Variants in C2 observed in about 807,000 individuals in gnomAD.
The protein encoded by C2 is complement C2.
A neutral mutation model predicts 85.2 loss-of-function variants in C2; 64 were observed. The ratio of observed to expected loss-of-function variants is 0.75; its 90% CI spans 0.61 to 0.92. C2 has a LOEUF of 0.92. C2 is among the 40% of genes least tolerant of loss of function. C2 has a pLI of 0.00. For missense variants in C2, 820 were observed against 971.6 expected, an observed-to-expected ratio of 0.84 and a Z score of 2.07; for synonymous variants, 311 against 370.8, an observed-to-expected ratio of 0.84 and a Z score of 1.85.
rs771513144 is a variant in C2 at position 31,937,418 on chromosome 6, C to A, written c.1088C>A (p.Ala363Asp). 1.2e-6 allele frequency: 2 copies of A among 1,612,576 alleles called. No homozygotes were observed. The highest frequency in any genetic ancestry group is 8.5e-7 in the Non-Finnish European group (1 of 1,179,960). Residue 363 changes from alanine (A) to aspartate (D), a missense_variant, in exon 8 of 18, where the codon GCC becomes GAC. By Grantham distance (126) the Ala-to-Asp change is moderately radical. Transcript: ENST00000299367. ...CGACTCCTCGGCATGGAAACGATGGCCTGGCAGGAAATCCGACATGCCATC... is the reference window on the plus strand; with the variant it reads ...CGACTCCTCGGCATGGAAACGATGGACTGGCAGGAAATCCGACATGCCATC... The part of the protein sequence containing the change: ...QMRLLGMETM[A>D]WQEIRHAIIL...
intron 6 of C2, 177 bp downstream of exon 6, chr6:31,934,476 C>T (rs1386076180): frequency 8.2e-7 from 1 of 1,219,202 alleles, no homozygotes; most frequent in African/African-American, 1.5e-5. Context: ...AATTTTTATT[C>T]CACAAGCACT....
chr6:31,940,489 G>T (rs1235083348), intron 9 of C2, among the ~76,000 whole-genome samples: 4 of 152,168 alleles, frequency 2.6e-5, no homozygotes, highest in African/African-American at 9.7e-5. Flanking sequence ...AACACAAATT[G>T]CACTGACCTT....
rs1460309756 is a variant in C2 at position 31,927,841 on chromosome 6, G to C, written c.46+43G>C. ...GGGAACGTCAGGGTCCTGTGTGTGAGGTTGGTGCTCCCAGCTTGAATTCCC... is the reference window on the plus strand; with the variant it reads ...GGGAACGTCAGGGTCCTGTGTGTGACGTTGGTGCTCCCAGCTTGAATTCCC... On this transcript the variant is annotated intron_variant, in intron 1 of 17. Coordinates refer to ENST00000299367, the MANE Select transcript of C2 (RefSeq NM_000063.6). This position sits in a 1 kb window ranked among gnomAD's most constrained non-coding sequence, Gnocchi z 4.7. 1.2e-6 allele frequency: 2 copies of C among 1,603,276 alleles called. No individual in the cohort carries two copies. The highest frequency in any genetic ancestry group is 1.1e-5 in the South Asian group (1 of 90,840).
intron 1 of C2, among the ~76,000 whole-genome samples, chr6:31,911,813 A>C (rs1768124344): frequency 6.6e-6 from 1 of 151,422 alleles, no homozygotes; most frequent in African/African-American, 2.4e-5. Context: ...TATTTTTAGT[A>C]GAAATGGGGT....
chr6:31,932,775 T>A (rs1247004347), intron 3 of C2, among the ~76,000 whole-genome samples: 1 of 151,754 alleles, frequency 6.6e-6, no homozygotes, highest in Non-Finnish European at 1.5e-5. Flanking sequence ...TGCTGGGAGG[T>A]GGAGGTTGTA....
intron 1 of C2, among the ~76,000 whole-genome samples, chr6:31,910,674 C>G (rs1768031874): frequency 6.6e-6 from 1 of 151,986 alleles, no homozygotes; most frequent in African/African-American, 2.4e-5. Context: ...AGATTATAAT[C>G]ATGTACTTTA....
chr6:31,910,056 T>C lies in C2; in HGVS notation c.73+8917T>C, dbSNP rs972580967. Among the ~76,000 whole-genome samples, 22 of 150,446 alleles carry C rather than the reference T, an allele frequency of 1.5e-4. 1 individual carries two copies. Among genetic ancestry groups the C allele is most frequent in the African/African-American group, 5.4e-4 (22 of 40,832 alleles). On this transcript the variant is annotated intron_variant, in intron 1 of 3. Coordinates refer to the C2 transcript ENST00000452202. ...CCACCACGCCTGGCTAATTTTTGTATTTATAGTAGAGATGGGGTTTCACCA... is the reference window on the plus strand; with the variant it reads ...CCACCACGCCTGGCTAATTTTTGTACTTATAGTAGAGATGGGGTTTCACCA...
At chr6:31,914,011 TC>T (rs1353836764) in intron 1 of C2, among the ~76,000 whole-genome samples, 2 of 151,540 alleles carry the variant, frequency 1.3e-5, no homozygotes, top group African/African-American at 4.8e-5. Context: ...GCGATCCGAC[TC>T]CCTGGTTCAA....
At chr6:31,899,730 G>A, upstream of C2, 2 of 605,088 alleles carry the variant, frequency 3.3e-6, no homozygotes, top group Non-Finnish European at 5.6e-6. Context: ...CCTTTTCCCA[G>A]CTCCAGATTC....
intron 1 of C2, among the ~76,000 whole-genome samples, chr6:31,906,331 T>C (rs1352485563): frequency 6.6e-6 from 1 of 151,926 alleles, no homozygotes; most frequent in Non-Finnish European, 1.5e-5. Flanking sequence ...TGCTCCTCAA[T>C]GCTGGCTCCT....
intron 1 of C2, among the ~76,000 whole-genome samples, chr6:31,907,933 G>C (rs1268379945): frequency 7.4e-6 from 1 of 134,900 alleles, no homozygotes; most frequent in Non-Finnish European, 1.5e-5. Context: ...TGCAACCTCT[G>C]CTTCCCAGGT....
chr6:31,923,576 C>T (rs1200849438), upstream of C2, among the ~76,000 whole-genome samples: 6 of 151,888 alleles, frequency 4.0e-5, no homozygotes, highest in African/African-American at 7.2e-5. Context: ...CTCCATCTCC[C>T]GGGTTCACGC....
intron 1 of C2, chr6:31,901,201 C>G: frequency 6.2e-7 from 1 of 1,613,510 alleles, no homozygotes; most frequent in Admixed American, 1.7e-5. Flanking sequence ...CCACAATGGT[C>G]ACGTCGCAGA....
chr6:31,931,416 C>T (rs1769734409), intron 3 of C2, among the ~76,000 whole-genome samples: 3 of 151,356 alleles, frequency 2.0e-5, no homozygotes, highest in Admixed American at 6.6e-5. Context: ...TGCGGCCTTC[C>T]GCAGTGTTTG....
intron 6 of C2, chr6:31,934,877 C>T (rs966260001): frequency 3.0e-5 from 7 of 232,276 alleles, no homozygotes; most frequent in Non-Finnish European, 5.0e-5. Context: ...CATGTGATGG[C>T]GCACGCCTGT....
At position 31,901,293 on chromosome 6, in the gene C2, C is replaced by A. The variant is rs1417136534; in HGVS notation, c.73+154C>A. 15 of 1,608,996 alleles carry A rather than the reference C, an allele frequency of 9.3e-6. No individual in the cohort carries two copies. Among genetic ancestry groups the A allele is most frequent in the African/African-American group, 1.3e-5 (1 of 74,830 alleles). On this transcript the variant is annotated intron_variant, in intron 1 of 3. Transcript: ENST00000452202. ...GGCAGCTGGAAGCGCAGGACTTCCA[C>A]CCCAGAGGCCATTGTGGCGGGGGTG... is the stretch of plus-strand genomic sequence containing the variant.
chr6:31,898,049 T>G (rs1026703155), upstream of C2: 1 of 314,816 alleles, frequency 3.2e-6, no homozygotes, highest in African/African-American at 2.2e-5. Context: ...TTTCTAGTTT[T>G]TGGGTTACCA....
intron 9 of C2, 120 bp from the exon 10 acceptor site, chr6:31,942,839 C>A: frequency 1.6e-6 from 2 of 1,243,692 alleles, no homozygotes; most frequent in Non-Finnish European, 2.3e-6. Context: ...GTGGGGAGGA[C>A]GCAGGGGTCC....
chr6:31,907,940 A>G (rs1284924057), intron 1 of C2, among the ~76,000 whole-genome samples: 4 of 133,358 alleles, frequency 3.0e-5, no homozygotes, highest in Non-Finnish European at 6.1e-5. Context: ...TCTGCTTCCC[A>G]GGTTCAAGCA....
Sources: allele counts gnomAD v4.1 joint callset (sites outside exome capture counted in the v4.1 genomes callset), GRCh38; gene constraint gnomAD v4.1.1; non-coding constraint Gnocchi (gnomAD v3.1); transcripts MANE v1.5; gene names NCBI Gene and HGNC (gene_info 2026-07-23, HGNC 2026-07-21).